Variants in ANKRD55 observed in about 807,000 individuals in gnomAD.
ANKRD55 encodes ankyrin repeat domain 55, also known as ankyrin repeat domain-containing protein 55.
ANKRD55 carries 41 observed loss-of-function variants against 60.6 expected under a neutral mutation model. The observed-to-expected ratio is 0.68, with a 90% CI of 0.53 to 0.88. ANKRD55 has a LOEUF of 0.88. Ranked by LOEUF, ANKRD55 falls within the 40% of genes least tolerant of loss-of-function variation. The pLI is 0.00. For synonymous variants in ANKRD55, 264 were observed against 290.3 expected, an observed-to-expected ratio of 0.91 and a Z score of 0.92; for missense variants, 732 against 767.6, an observed-to-expected ratio of 0.95 and a Z score of 0.55.
At chr5:56,197,718 T>C (rs1194743834) in intron 2 of ANKRD55, among the ~76,000 whole-genome samples, 1 of 152,214 alleles carries the variant, frequency 6.6e-6, no homozygotes, top group Non-Finnish European at 1.5e-5. Context: ...TCGCAGTTTG[T>C]TTTCAAATAT....
chr5:56,138,852 G>A (rs1337955761), intron 7 of ANKRD55, among the ~76,000 whole-genome samples: 1 of 152,184 alleles, frequency 6.6e-6, no homozygotes, highest in African/African-American at 2.4e-5. Context: ...AATAAGGGGA[G>A]CTCAGAGGAT....
At chr5:56,192,912 G>T in intron 2 of ANKRD55, 2 of 635,748 alleles carry the variant, frequency 3.1e-6, no homozygotes, top group Non-Finnish European at 5.5e-6. Flanking sequence ...TTTTTTATGA[G>T]TTCAGAAGAA....
At chr5:56,105,896 G>A (rs1756448862) in intron 10 of ANKRD55, among the ~76,000 whole-genome samples, 1 of 152,164 alleles carries the variant, frequency 6.6e-6, no homozygotes, top group Non-Finnish European at 1.5e-5. Flanking sequence ...TACTTTTCTT[G>A]TGACGGCTTA....
intron 6 of ANKRD55, among the ~76,000 whole-genome samples, chr5:56,152,333 T>C (rs1405809912): frequency 6.6e-6 from 1 of 151,874 alleles, no homozygotes; most frequent in Admixed American, 6.6e-5. Flanking sequence ...CTTAAATTTA[T>C]TTTCTCAGAG....
Position 56,162,575 on chromosome 5 carries a change from A to AG in ANKRD55, c.423-2683dup, listed in dbSNP as rs1368223872. On this transcript the variant is annotated intron_variant, in intron 5 of 11. Transcript: ENST00000341048. Reference sequence around the variant, plus strand: ...GCCCCTTCCTTGCCCCTTTAGGTCTAGAAAGTGATAACATTTTCCTGCTCT... The same window carrying AG: ...GCCCCTTCCTTGCCCCTTTAGGTCTAGGAAAGTGATAACATTTTCCTGCTCT... 6.6e-5 allele frequency among the ~76,000 whole-genome samples: 10 copies of AG among 152,178 alleles called. No individual in the cohort carries two copies. In the South Asian group the frequency reaches 1.9e-3, roughly 28 times the overall value.
intron 8 of ANKRD55, among the ~76,000 whole-genome samples, chr5:56,122,920 T>C (rs1757116579): frequency 6.6e-6 from 1 of 151,620 alleles, no homozygotes; most frequent in Admixed American, 6.6e-5. Context: ...CATGTACCAC[T>C]ATGTCCGGCT....
At position 56,111,791 on chromosome 5, in the gene ANKRD55, A is replaced by G; in HGVS notation, c.966-9T>C. ...GTCGAGTAGGCTCTGTTCTATGCGA[A>G]TATAAAAGAGCAGGGATGATATGTG... On this transcript the variant is annotated splice_polypyrimidine_tract_variant and intron_variant, in intron 9 of 11. Coordinates refer to ENST00000341048, the MANE Select transcript of ANKRD55 (RefSeq NM_024669.3). 1 of 1,484,412 alleles carries G rather than the reference A, an allele frequency of 6.7e-7. No individual in the cohort carries two copies. The highest frequency in any genetic ancestry group is 2.3e-5 in the East Asian group (1 of 42,660). 92.0% of individuals were successfully genotyped at this position (1,484,412 alleles called of 1,614,324 possible).
rs141966247 is a variant in ANKRD55 at position 56,111,180 on chromosome 5, C to A, written c.1568G>T (p.Arg523Leu). The A allele has an allele frequency of 6.2e-7, 1 of 1,614,108 alleles. No homozygotes were observed. The highest frequency in any genetic ancestry group is 2.2e-5 in the East Asian group (1 of 44,888). ...DKLLDRLLSV[R>L]PGHQEVSVPP... Reference sequence around the variant, plus strand: ...CACGGAGACCTCTTGGTGACCAGGCCGGACACTGAGCAATCTGTCCAGCAG... The same window carrying A: ...CACGGAGACCTCTTGGTGACCAGGCAGGACACTGAGCAATCTGTCCAGCAG... Residue 523 changes from arginine to leucine, a missense_variant, in exon 10 of 12, where the codon CGG becomes CTG. Physicochemically the swap from Arg to Leu is moderately radical, Grantham distance 102. Transcript: ENST00000341048.
chr5:56,153,788 G>C (rs1315956662), intron 6 of ANKRD55, among the ~76,000 whole-genome samples: 1 of 151,582 alleles, frequency 6.6e-6, no homozygotes, highest in Non-Finnish European at 1.5e-5. Context: ...AGTGAGCCGA[G>C]ATCGCACCAT....
chr5:56,110,015 C>A (rs1044501554), intron 10 of ANKRD55, among the ~76,000 whole-genome samples: 2 of 151,628 alleles, frequency 1.3e-5, no homozygotes, highest in Non-Finnish European at 2.9e-5. Context: ...TGCACCACTG[C>A]ACTCTAGCCT....
intron 2 of ANKRD55, among the ~76,000 whole-genome samples, chr5:56,198,949 G>T (rs1183612662): frequency 6.6e-6 from 1 of 151,826 alleles, no homozygotes; most frequent in Non-Finnish European, 1.5e-5. Context: ...GCGTGGTGGC[G>T]GGCGCCTGTA....
intron 7 of ANKRD55, among the ~76,000 whole-genome samples, chr5:56,128,504 A>G (rs1757333637): frequency 6.6e-6 from 1 of 152,196 alleles, no homozygotes; most frequent in Non-Finnish European, 1.5e-5. Context: ...GACAGACTCC[A>G]TACCTTTACT....
At chr5:56,230,243 T>G (rs557863581) in intron 2 of ANKRD55, among the ~76,000 whole-genome samples, 16 of 152,116 alleles carry the variant, frequency 1.1e-4, no homozygotes, top group Non-Finnish European at 2.2e-4. Context: ...TACAGGCGTG[T>G]GTCACCATGC....
At chr5:56,202,591 G>A (rs149213754) in intron 2 of ANKRD55, among the ~76,000 whole-genome samples, 195 of 152,254 alleles carry the variant, frequency 1.3e-3, no homozygotes, top group African/African-American at 4.1e-3. Flanking sequence ...AAATAGCTCC[G>A]AACTTTCCAC....
chr5:56,209,209 G>A (rs373409919), intron 2 of ANKRD55, among the ~76,000 whole-genome samples: 4 of 151,926 alleles, frequency 2.6e-5, no homozygotes, highest in African/African-American at 9.7e-5. Flanking sequence ...TACCCCCCTC[G>A]GCCTCCCAAA....
chr5:56,121,197 C>T (rs1191198622), intron 8 of ANKRD55, among the ~76,000 whole-genome samples: 1 of 152,076 alleles, frequency 6.6e-6, no homozygotes, highest in Non-Finnish European at 1.5e-5. Context: ...AACCAAGGCA[C>T]ACACAATAAG....
intron 6 of ANKRD55, among the ~76,000 whole-genome samples, chr5:56,148,516 A>T (rs999616223): frequency 9.2e-5 from 14 of 152,304 alleles, no homozygotes; most frequent in Admixed American, 1.3e-4. Flanking sequence ...GATAAGACAA[A>T]ATGTATGTTC....
chr5:56,166,199 T>TC (rs1554040821), intron 5 of ANKRD55, among the ~76,000 whole-genome samples: 9 of 96,120 alleles, frequency 9.4e-5, no homozygotes, highest in African/African-American at 5.2e-4. Context: ...CCTTCCTTCC[T>TC]TCTCTCTCTC....
intron 7 of ANKRD55, among the ~76,000 whole-genome samples, chr5:56,128,645 A>G (rs318791): frequency 0.5 from 75,468 of 152,004 alleles, 20,732 homozygotes; most frequent in East Asian, 0.72. Flanking sequence ...TGACAACTGT[A>G]TTTACTGTGT....
Sources: allele counts gnomAD v4.1 joint callset (sites outside exome capture counted in the v4.1 genomes callset), GRCh38; gene constraint gnomAD v4.1.1; transcripts MANE v1.5; gene names NCBI Gene and HGNC (gene_info 2026-07-23, HGNC 2026-07-21).